The following GPC5 variants were observed in gnomAD, a reference collection of about 807,000 sequenced individuals.
The protein encoded by GPC5 is glypican 5.
In GPC5, 47 loss-of-function variants were observed where a neutral mutation model predicts 53.9. The observed-to-expected ratio is 0.87, with a 90% CI of 0.69 to 1.11. The LOEUF is 1.11. Among genes scored for constraint, GPC5 ranks in the 50% most tolerant of loss-of-function variants. The pLI is 0.00. For synonymous variants in GPC5, 286 were observed against 263.3 expected, an observed-to-expected ratio of 1.09 and a Z score of -0.84; for missense variants, 748 against 713.1, an observed-to-expected ratio of 1.05 and a Z score of -0.56.
intron 2 of GPC5, among the ~76,000 whole-genome samples, chr13:91,459,393 G>A (rs1881782898): frequency 6.6e-6 from 1 of 152,056 alleles, no homozygotes; most frequent in African/African-American, 2.4e-5. Flanking sequence ...TGACTTGGGT[G>A]TTTGCAGTGG....
chr13:92,027,721 T>G (rs2040811231), intron 6 of GPC5, among the ~76,000 whole-genome samples: 2 of 152,172 alleles, frequency 1.3e-5, no homozygotes, highest in Non-Finnish European at 2.9e-5. Context: ...AATTTCTCAT[T>G]GCAAAGGCAG....
chr13:92,315,422 A>G (rs1439349109), intron 7 of GPC5, among the ~76,000 whole-genome samples: 3 of 152,112 alleles, frequency 2.0e-5, no homozygotes, highest in Non-Finnish European at 4.4e-5. Flanking sequence ...CTCCCTGTTC[A>G]CTCTAGAAAA....
chr13:91,583,928 C>T (rs1427951853), intron 2 of GPC5, among the ~76,000 whole-genome samples: 1 of 152,038 alleles, frequency 6.6e-6, no homozygotes, highest in African/African-American at 2.4e-5. Flanking sequence ...TGTATCTTCC[C>T]CAAATTTGTA....
chr13:92,429,618 A>G (rs1876998395), intron 7 of GPC5, among the ~76,000 whole-genome samples: 1 of 152,008 alleles, frequency 6.6e-6, no homozygotes, highest in Non-Finnish European at 1.5e-5. Context: ...CCATTTTCAC[A>G]TATCATTTGC....
At chr13:92,074,555 T>C (rs112103846) in intron 6 of GPC5, among the ~76,000 whole-genome samples, 2,288 of 152,220 alleles carry the variant, frequency 0.015, 64 homozygotes, top group African/African-American at 0.053. Flanking sequence ...AATGAAAACT[T>C]GTCTAAAAGT....
intron 2 of GPC5, among the ~76,000 whole-genome samples, chr13:91,597,257 G>A (rs893793689): frequency 1.3e-5 from 2 of 152,052 alleles, no homozygotes; most frequent in Non-Finnish European, 2.9e-5. Flanking sequence ...TTCAATCTTG[G>A]TCAGAAGCAG....
chr13:91,424,613 C>T (rs1213113327), intron 1 of GPC5, among the ~76,000 whole-genome samples: 4 of 152,136 alleles, frequency 2.6e-5, no homozygotes, highest in African/African-American at 7.2e-5. Flanking sequence ...GTGATCCACC[C>T]GCCTCGGCCT....
chr13:92,632,902 GT>G (rs1166313158), intron 7 of GPC5, among the ~76,000 whole-genome samples: 5 of 151,942 alleles, frequency 3.3e-5, no homozygotes, highest in African/African-American at 1.2e-4. Context: ...GTTTTGTTTT[GT>G]TTTTTGAGAC....
At chr13:91,531,581 C>T (rs1460664563) in intron 2 of GPC5, among the ~76,000 whole-genome samples, 1 of 152,012 alleles carries the variant, frequency 6.6e-6, no homozygotes, top group Non-Finnish European at 1.5e-5. Context: ...GGGAGTGTGC[C>T]GTTATTAAGT....
intron 1 of GPC5, among the ~76,000 whole-genome samples, chr13:91,426,937 C>A (rs1879098402): frequency 6.6e-6 from 1 of 152,196 alleles, no homozygotes; most frequent in Non-Finnish European, 1.5e-5. Context: ...GGCCAATGTA[C>A]AACTCAGGCT....
At chr13:92,114,150 A>G (rs759288960) in intron 6 of GPC5, among the ~76,000 whole-genome samples, 1 of 152,178 alleles carries the variant, frequency 6.6e-6, no homozygotes, top group Admixed American at 6.5e-5. Flanking sequence ...TACCTCAAAC[A>G]TAAAGAGTAT....
intron 7 of GPC5, among the ~76,000 whole-genome samples, chr13:92,257,980 A>T (rs954749687): frequency 2.6e-5 from 4 of 152,324 alleles, no homozygotes; most frequent in East Asian, 3.9e-4. Flanking sequence ...ATAATTTTTT[A>T]AAAAGTAATT....
At chr13:92,506,951 A>G (rs1049776804) in intron 7 of GPC5, among the ~76,000 whole-genome samples, 1 of 152,164 alleles carries the variant, frequency 6.6e-6, no homozygotes, top group Non-Finnish European at 1.5e-5. Context: ...ATTTCCACTT[A>G]GTCTGTGCCT....
intron 1 of GPC5, 125 bp from the exon 2 acceptor site, chr13:91,448,636 T>G (rs1880963629): frequency 1.2e-6 from 1 of 866,836 alleles, no homozygotes; most frequent in African/African-American, 1.7e-5. Flanking sequence ...TTATAGCAAG[T>G]ACTCTAGCAA....
At chr13:91,847,129 G>A (rs1328205739) in intron 5 of GPC5, among the ~76,000 whole-genome samples, 1 of 148,086 alleles carries the variant, frequency 6.8e-6, no homozygotes, top group Non-Finnish European at 1.5e-5. Context: ...TGAGGCAGGA[G>A]AATGGTGTGA....
At chr13:92,334,340 A>T (rs963269477) in intron 7 of GPC5, among the ~76,000 whole-genome samples, 2 of 152,066 alleles carry the variant, frequency 1.3e-5, no homozygotes, top group Admixed American at 1.3e-4. Context: ...ATTCATTATC[A>T]TGAGAACAGC....
At chr13:92,720,339 T>C (rs1283222742) in intron 7 of GPC5, among the ~76,000 whole-genome samples, 1 of 152,118 alleles carries the variant, frequency 6.6e-6, no homozygotes, top group East Asian at 1.9e-4. Flanking sequence ...ATAATAAAGG[T>C]TTAAAAAGGT....
chr13:91,959,310 G>A (rs1043833419), intron 6 of GPC5, among the ~76,000 whole-genome samples: 1 of 149,732 alleles, frequency 6.7e-6, no homozygotes, highest in Non-Finnish European at 1.5e-5. Flanking sequence ...TAGAAGAAAT[G>A]GATAAATTAT....
At chr13:91,578,258 T>C (rs1030312811) in intron 2 of GPC5, among the ~76,000 whole-genome samples, 2 of 152,198 alleles carry the variant, frequency 1.3e-5, no homozygotes, top group East Asian at 3.8e-4. Flanking sequence ...TGCAACCTCA[T>C]GAGAGACCCT....
Sources: allele counts gnomAD v4.1 joint callset (sites outside exome capture counted in the v4.1 genomes callset), GRCh38; gene constraint gnomAD v4.1.1; transcripts MANE v1.5; gene names NCBI Gene and HGNC (gene_info 2026-07-23, HGNC 2026-07-21).